HERC2: variants seen among roughly 807,000 people sequenced by gnomAD.
HERC2 encodes HECT and RLD domain containing E3 ubiquitin protein ligase 2.
Under a neutral mutation model 537.7 loss-of-function variants are expected in HERC2, and 102 were observed. The ratio of observed to expected loss-of-function variants is 0.19; its 90% CI spans 0.16 to 0.22. The LOEUF (loss-of-function observed/expected upper bound fraction) is 0.22, where lower values mean the gene tolerates loss of function less well. Ranked by LOEUF, HERC2 falls within the 10% of genes least tolerant of loss-of-function variation. HERC2 has a pLI of 1.00. For synonymous variants in HERC2, 2,224 were observed against 2,466.2 expected (o/e 0.90, Z 2.91); for missense variants, 4,236 against 6,198.2 (o/e 0.68, Z 10.63).
At chr15:28,307,620 A>G (rs1376762171) in intron 2 of HERC2, among the ~76,000 whole-genome samples, 1 of 152,214 alleles carries the variant, frequency 6.6e-6, no homozygotes, top group African/African-American at 2.4e-5. Context: ...ATTCAGGAGC[A>G]TATTGTTTAA....
chr15:28,135,599 C>T lies in HERC2; in HGVS notation c.12109G>A (p.Val4037Met), dbSNP rs1430322695. ...TPTLLESIQH[V>M]FIKKVAVNSG... is the part of the protein sequence containing the mutation. ...TTCACAGCTACTTTCTTAATAAACA[C>T]ATGCTGAATGGATTCAAGCAATGTT... Residue 4037 changes from valine (V) to methionine (M), a missense_variant, in exon 79 of 93, where the codon GTG becomes ATG. Val to Met is a conservative substitution (Grantham distance 21, BLOSUM62 1). Transcript: ENST00000261609. 1.2e-6 allele frequency: 2 copies of T among 1,614,010 alleles called. No individual in the cohort carries two copies. Among genetic ancestry groups the T allele is most frequent in the African/African-American group, 1.3e-5 (1 of 74,938 alleles).
intron 78 of HERC2, among the ~76,000 whole-genome samples, chr15:28,139,954 G>C (rs1891039852): frequency 6.6e-6 from 1 of 150,856 alleles, no homozygotes; most frequent in Non-Finnish European, 1.5e-5. Flanking sequence ...TGTTGTCCCA[G>C]CTACTCGGGA....
Position 28,111,811 on chromosome 15 carries a change from G to A in HERC2, c.14457C>T (p.Val4819=), listed in dbSNP as rs746443136. Residue 4819 remains valine (V), a synonymous_variant, in exon 93 of 93, where the codon GTC becomes GTT. Coordinates refer to ENST00000261609, the MANE Select transcript of HERC2 (RefSeq NM_004667.6). ...GTGTAGAGTCCGAAGCAAAGGAGTC[G>A]ACATCCTCGTTATCTGAATCGTCGC... The part of the protein sequence containing the change: ...DSSDDSDNED[V]DSFASDSTQD... 5.6e-5 allele frequency: 90 copies of A among 1,614,054 alleles called. No homozygotes were observed. The highest frequency in any genetic ancestry group is 1.2e-4 in the Admixed American group (7 of 60,002).
chr15:28,166,482 C>T (rs962215056), intron 68 of HERC2, among the ~76,000 whole-genome samples: 1 of 152,140 alleles, frequency 6.6e-6, no homozygotes, highest in Non-Finnish European at 1.5e-5. Flanking sequence ...TAACCAAAGA[C>T]ACTCAGTAAC....
chr15:28,173,117 G>A (rs985647617), intron 65 of HERC2, among the ~76,000 whole-genome samples: 26 of 152,288 alleles, frequency 1.7e-4, no homozygotes, highest in Non-Finnish European at 7.4e-5. Flanking sequence ...CAAAAATGTG[G>A]AGGATGTGGA....
At chr15:28,123,949 G>T in intron 85 of HERC2, 88 bp downstream of exon 85, 1 of 1,069,618 alleles carries the variant, frequency 9.3e-7, no homozygotes, top group Non-Finnish European at 1.3e-6. Context: ...TGTATTCTAT[G>T]TGTTCTATTC....
At chr15:28,225,944 C>A (rs1298279377) in intron 35 of HERC2, among the ~76,000 whole-genome samples, 2 of 152,078 alleles carry the variant, frequency 1.3e-5, no homozygotes, top group East Asian at 3.9e-4. Flanking sequence ...GAGATTGAAT[C>A]AGTAATTAAA....
In HERC2 at chr15:28,202,374, C is replaced by T; in HGVS notation, c.7453G>A (p.Ala2485Thr). Residue 2485 changes from alanine to threonine, a missense_variant, in exon 46 of 93, where the codon GCT (alanine) becomes ACT (threonine). Around this residue, in one of 27 missense-constraint regions of HERC2, gnomAD observed 606 missense variants for 884.5 expected, o/e 0.69. Coordinates refer to ENST00000261609, the MANE Select transcript of HERC2 (RefSeq NM_004667.6). ...GGCAAGCTGGATGCATTCCCGGAAG[C>T]ACCAGTGAGAGACTTCAGGGCAAAC... ...IEFALKSLTGASGNASSLPGV... is the reference protein window; with the variant it reads ...IEFALKSLTGTSGNASSLPGV... 1 of 1,613,812 alleles carries T rather than the reference C, an allele frequency of 6.2e-7. No individual in the cohort carries two copies. Among genetic ancestry groups the T allele is most frequent in the Non-Finnish European group, 8.5e-7 (1 of 1,179,812 alleles).
rs768506195 is a variant in HERC2 at position 28,116,760 on chromosome 15, G to A, written c.13514C>T (p.Pro4505Leu). ...NGLTPLLIVT[P>L]NGRDESGANR... ...GGCCCCAGACTCATCCCTCCCGTTGGGTGTCACGATCAGCAGGGGCGTGAG... is the reference window on the plus strand; with the variant it reads ...GGCCCCAGACTCATCCCTCCCGTTGAGTGTCACGATCAGCAGGGGCGTGAG... Residue 4505 changes from proline to leucine, a missense_variant, in exon 88 of 93, where the codon CCC becomes CTC. This residue lies in a region of HERC2 where 313 missense variants were observed against 462.6 expected (regional missense o/e 0.68). Transcript: ENST00000261609. The A allele has an allele frequency of 1.2e-6, 2 of 1,614,038 alleles. No individual in the cohort carries two copies.
intron 2 of HERC2, among the ~76,000 whole-genome samples, chr15:28,305,831 A>T (rs1299670770): frequency 6.6e-6 from 1 of 150,968 alleles, no homozygotes; most frequent in Non-Finnish European, 1.5e-5. Context: ...CAAATTTACA[A>T]GAAAAAAACA....
At chr15:28,153,602 G>C (rs1275266629) in intron 69 of HERC2, among the ~76,000 whole-genome samples, 1 of 152,118 alleles carries the variant, frequency 6.6e-6, no homozygotes, top group Non-Finnish European at 1.5e-5. Context: ...AGTGAGCTGA[G>C]ACTGCACCAC....
intron 20 of HERC2, among the ~76,000 whole-genome samples, chr15:28,254,091 C>G (rs2075175059): frequency 6.6e-6 from 1 of 152,166 alleles, no homozygotes; most frequent in East Asian, 1.9e-4. Flanking sequence ...CAAGACAAGC[C>G]TGACCACCAT....
intron 2 of HERC2, among the ~76,000 whole-genome samples, chr15:28,314,441 T>C (rs1367728027): frequency 6.6e-6 from 1 of 152,164 alleles, no homozygotes; most frequent in Non-Finnish European, 1.5e-5. Flanking sequence ...GTCAGCTAAG[T>C]GTGATTTTAG....
chr15:28,305,963 C>T (rs969464766), intron 2 of HERC2, among the ~76,000 whole-genome samples: 1 of 152,168 alleles, frequency 6.6e-6, no homozygotes, highest in African/African-American at 2.4e-5. Flanking sequence ...AAATGCAAAT[C>T]AAAACCACTA....
chr15:28,111,897 T>C lies in HERC2; in HGVS notation c.14371A>G (p.Ile4791Val). Residue 4791 changes from isoleucine to valine, a missense_variant, in exon 93 of 93, where the codon ATA becomes GTA. Physicochemically the swap from Ile to Val is conservative, Grantham distance 29. Coordinates refer to ENST00000261609, the MANE Select transcript of HERC2 (RefSeq NM_004667.6). ...ATGCGAGCGTAGTCATCTGTGTCTA[T>C]GGACTTGCAGAAGTGGATGGCGTAC... is the stretch of plus-strand genomic sequence containing the variant. ...LKYAIHFCKS[I>V]DTDDYARIAL... 6.2e-7 allele frequency: 1 copy of C among 1,614,222 alleles called. No homozygotes were observed. Among genetic ancestry groups the C allele is most frequent in the Non-Finnish European group, 8.5e-7 (1 of 1,180,048 alleles).
At chr15:28,259,163 C>T (rs537415931) in intron 16 of HERC2, among the ~76,000 whole-genome samples, 15 of 152,288 alleles carry the variant, frequency 9.8e-5, no homozygotes, top group South Asian at 8.3e-4. Context: ...GGCGCCATCC[C>T]GGCTCACTGC....
Position 28,182,381 on chromosome 15 carries a change from T to A in HERC2, c.8937+20A>T. The A allele has an allele frequency of 6.4e-7, 1 of 1,563,114 alleles. No individual in the cohort carries two copies. The highest frequency in any genetic ancestry group is 8.8e-7 in the Non-Finnish European group (1 of 1,134,612). On this transcript the variant is annotated intron_variant, in intron 57 of 92. Coordinates refer to ENST00000261609, the MANE Select transcript of HERC2 (RefSeq NM_004667.6). ...CTGCCGAGTGCCCCACCCTGCTGGG[T>A]CCCAGGGAGCAGGCCGTACCTTGGA...
chr15:28,217,247 TCACACA>T (rs1368328784), intron 38 of HERC2, among the ~76,000 whole-genome samples: 2 of 151,864 alleles, frequency 1.3e-5, no homozygotes, highest in African/African-American at 4.8e-5. Context: ...ATGCTCACCC[TCACACA>T]CACACTGGCT....
intron 86 of HERC2, among the ~76,000 whole-genome samples, chr15:28,118,951 T>C (rs1225394353): frequency 6.6e-6 from 1 of 152,196 alleles, no homozygotes; most frequent in Non-Finnish European, 1.5e-5. Flanking sequence ...CACACTAGGC[T>C]GAAGGGTGTT....
Sources: gnomAD v4.1 joint callset for allele counts (sites outside exome capture counted in the v4.1 genomes callset) on GRCh38, gnomAD v4.1.1 for gene constraint, gnomAD v4.1.1 regional missense constraint, MANE v1.5 for transcripts, NCBI Gene and HGNC (gene_info 2026-07-23, HGNC 2026-07-21) for gene names.